SORBS2: variants seen among roughly 807,000 people sequenced by gnomAD.
SORBS2 encodes sorbin and SH3 domain containing 2.
SORBS2 carries 46 observed loss-of-function variants against 97.7 expected under a neutral mutation model. The ratio of observed to expected loss-of-function variants is 0.47; its 90% CI spans 0.37 to 0.60. SORBS2 has a LOEUF of 0.60. SORBS2 is among the 20% of genes least tolerant of loss of function. The pLI, the probability that SORBS2 is intolerant of heterozygous loss-of-function variation, is 0.00. For missense variants in SORBS2, 1,316 were observed against 1,282.3 expected, an observed-to-expected ratio of 1.03 and a Z score of -0.40; for synonymous variants, 476 against 473.4, an observed-to-expected ratio of 1.01 and a Z score of -0.07.
chr4:185,663,831 C>CTGAGAGTAG lies in SORBS2; in HGVS notation c.-45-1598_-45-1590dup, dbSNP rs1241254913. 3.3e-5 allele frequency among the ~76,000 whole-genome samples: 5 copies of CTGAGAGTAG among 149,380 alleles called. No individual in the cohort carries two copies. The East Asian group carries it at 9.8e-4, about 29-fold the overall frequency. On this transcript the variant is annotated intron_variant, in intron 4 of 20. Coordinates refer to the SORBS2 transcript ENST00000284776. ...TGACTAGGGGTTAAAAAAGTAAACACTGAGAGTAGATTTATTCTTTTTTTT... is the reference window on the plus strand; with the variant it reads ...TGACTAGGGGTTAAAAAAGTAAACACTGAGAGTAGTGAGAGTAGATTTATTCTTTTTTTT...
Position 185,829,259 on chromosome 4 carries a change from C to T in SORBS2, c.-337-53893G>A, listed in dbSNP as rs367616727. 1.6e-3 allele frequency among the ~76,000 whole-genome samples: 237 copies of T among 152,228 alleles called. 6 individuals are homozygous for T. In the South Asian group the frequency reaches 0.043, roughly 27 times the overall value. On this transcript the variant is annotated intron_variant, in intron 1 of 20. Coordinates refer to the SORBS2 transcript ENST00000284776. ...CTGGACTCTCAGCTCCATGGGTAAACGGTGTGATGTGGTTGGCAAATCAAG... is the reference window on the plus strand; with the variant it reads ...CTGGACTCTCAGCTCCATGGGTAAATGGTGTGATGTGGTTGGCAAATCAAG...
At chr4:185,627,608 GT>G (rs2153428822) in intron 5 of SORBS2, among the ~76,000 whole-genome samples, 1 of 152,226 alleles carries the variant, frequency 6.6e-6, no homozygotes, top group East Asian at 1.9e-4. Flanking sequence ...CTCTTGCACA[GT>G]TTCCCTTATC....
At chr4:185,612,814 G>T (rs1056828593) in intron 11 of SORBS2, among the ~76,000 whole-genome samples, 12 of 151,736 alleles carry the variant, frequency 7.9e-5, no homozygotes, top group African/African-American at 2.9e-4. Flanking sequence ...ATCTACATGC[G>T]CTAAGTAGTG....
At chr4:185,870,710 G>A (rs1333944300) in intron 1 of SORBS2, among the ~76,000 whole-genome samples, 1 of 152,204 alleles carries the variant, frequency 6.6e-6, no homozygotes. Context: ...CTGGGACTGG[G>A]CCTTGGGAGA....
exon 15 of SORBS2, chr4:185,585,742 T>C (rs2095794653): frequency 6.6e-6 from 1 of 152,240 alleles, no homozygotes; most frequent in African/African-American, 2.4e-5. Flanking sequence ...TATTCATTTA[T>C]CAGCAAAGCT....
In SORBS2 at chr4:185,691,906, G is replaced by A. The variant is rs554913236; in HGVS notation, c.-197-13084C>T. ...ACTACAGGCACCCGCCACCACGCTC[G>A]GATAATTTCTTTTTGCATTTTTAGT... On this transcript the variant is annotated intron_variant, in intron 2 of 20. Coordinates refer to the SORBS2 transcript ENST00000284776. 5.9e-5 allele frequency among the ~76,000 whole-genome samples: 9 copies of A among 152,196 alleles called. No homozygotes were observed. The East Asian group carries it at 1.2e-3, about 20-fold the overall frequency.
At chr4:185,719,418 A>C (rs1349618561) in intron 2 of SORBS2, among the ~76,000 whole-genome samples, 1 of 152,172 alleles carries the variant, frequency 6.6e-6, no homozygotes, top group Non-Finnish European at 1.5e-5. Context: ...TCTCTCCAGC[A>C]TTTGGTTATC....
intron 1 of SORBS2, among the ~76,000 whole-genome samples, chr4:185,850,185 C>A (rs942294919): frequency 6.6e-6 from 1 of 152,182 alleles, no homozygotes; most frequent in African/African-American, 2.4e-5. Context: ...CATGAGTCAC[C>A]ACTTCCCCCT....
rs117698266 is a variant in SORBS2, at chr4:185,748,113, C to T, written c.-198+27114G>A. Among the ~76,000 whole-genome samples, 526 of 152,192 alleles carry T rather than the reference C, an allele frequency of 3.5e-3. 9 individuals carry two copies. In the Middle Eastern group the frequency reaches 0.048, roughly 14 times the overall value. ...ATTTAAGGTACATTTTGTAAGTTTT[C>T]GGGTGGCCCACTGTAAGGTAGAGAG... On this transcript the variant is annotated intron_variant, in intron 2 of 20. Transcript: ENST00000284776.
At chr4:185,617,902 A>G (rs761894379) in intron 9 of SORBS2, among the ~76,000 whole-genome samples, 13 of 152,180 alleles carry the variant, frequency 8.5e-5, no homozygotes, top group Non-Finnish European at 1.8e-4. Context: ...TATGCTTGGA[A>G]TATTTGGATA....
intron 1 of SORBS2, among the ~76,000 whole-genome samples, chr4:185,874,385 G>A (rs977272482): frequency 1.3e-5 from 2 of 152,164 alleles, no homozygotes; most frequent in African/African-American, 4.8e-5. Flanking sequence ...CAGAGAATCT[G>A]TTCATTGGAA....
At chr4:185,827,779 A>G (rs1014986785) in intron 1 of SORBS2, among the ~76,000 whole-genome samples, 16 of 149,952 alleles carry the variant, frequency 1.1e-4, no homozygotes, top group Non-Finnish European at 2.1e-4. Flanking sequence ...CACCATCACC[A>G]TCATCATCGT....
At chr4:185,907,702 G>A (rs1388043587) in intron 1 of SORBS2, among the ~76,000 whole-genome samples, 3 of 152,254 alleles carry the variant, frequency 2.0e-5, no homozygotes, top group Non-Finnish European at 4.4e-5. Flanking sequence ...GGATATAGAT[G>A]TTATTATAGG....
At chr4:185,907,326 T>C (rs1386484183) in intron 1 of SORBS2, among the ~76,000 whole-genome samples, 1 of 152,206 alleles carries the variant, frequency 6.6e-6, no homozygotes, top group Non-Finnish European at 1.5e-5. Flanking sequence ...GGTATTATAA[T>C]GTTAGCTTTT....
At position 185,724,101 on chromosome 4, in the gene SORBS2, C is replaced by T. The variant is rs562218516; in HGVS notation, c.-197-45279G>A. Among the ~76,000 whole-genome samples, 594 of 152,226 alleles carry T rather than the reference C, an allele frequency of 3.9e-3. 3 individuals carry two copies. The highest frequency in any genetic ancestry group is 0.014 in the African/African-American group (568 of 41,548). On this transcript the variant is annotated intron_variant, in intron 2 of 20. Coordinates refer to the SORBS2 transcript ENST00000284776. Reference sequence around the variant, plus strand: ...TCAAGGGTCTAATAAATTAGCCTTTCGTTGTTTCAACTTCCAAGTGAAGTT... The same window carrying T: ...TCAAGGGTCTAATAAATTAGCCTTTTGTTGTTTCAACTTCCAAGTGAAGTT...
At chr4:185,601,800 G>A (rs746809121) in intron 12 of SORBS2, among the ~76,000 whole-genome samples, 2 of 151,904 alleles carry the variant, frequency 1.3e-5, no homozygotes. Context: ...GTTGAAAACC[G>A]TGCGCCGGGG....
rs1488166391 is a variant in SORBS2 at position 185,651,691 on chromosome 4, G to A, written c.91+971C>T. Reference sequence around the variant, plus strand: ...CCTAATATATGAACTGAAAACATGTGCTCAAACAGAAGGGGAAAAAAGGTG... The same window carrying A: ...CCTAATATATGAACTGAAAACATGTACTCAAACAGAAGGGGAAAAAAGGTG... On this transcript the variant is annotated intron_variant, in intron 2 of 14. Coordinates refer to ENST00000418609, the Ensembl canonical transcript of SORBS2. The A allele has an allele frequency of 1.9e-5, 15 of 779,158 alleles. No individual in the cohort carries two copies. In the Admixed American group the frequency reaches 2.9e-4, roughly 15 times the overall value. 48.3% of individuals were successfully genotyped at this position (779,158 alleles called of 1,614,324 possible). A position where few individuals can be genotyped will look rare whatever the true frequency, so the allele number is the denominator to read the frequency against.
rs1227084787 is a variant in SORBS2, at chr4:185,726,489, C to A, written c.-197-47667G>T. ...AATAATAACCAAAGTTTTCAGGGACCATTTTTCAAAAGACCCATTCCCCCA... is the reference window on the plus strand; with the variant it reads ...AATAATAACCAAAGTTTTCAGGGACAATTTTTCAAAAGACCCATTCCCCCA... On this transcript the variant is annotated intron_variant, in intron 2 of 20. Transcript: ENST00000284776. Among the ~76,000 whole-genome samples the A allele has an allele frequency of 2.0e-5, 3 of 151,916 alleles. No individual in the cohort carries two copies. The East Asian group carries it at 5.8e-4, about 29-fold the overall frequency.
At chr4:185,750,126 G>A (rs1213538677) in intron 2 of SORBS2, among the ~76,000 whole-genome samples, 1 of 152,236 alleles carries the variant, frequency 6.6e-6, no homozygotes, top group African/African-American at 2.4e-5. Context: ...CACAGACCCA[G>A]GTTAGCACCC....
Sources: gnomAD v4.1 joint callset for allele counts (sites outside exome capture counted in the v4.1 genomes callset) on GRCh38, gnomAD v4.1.1 for gene constraint, MANE v1.5 for transcripts, NCBI Gene and HGNC (gene_info 2026-07-23, HGNC 2026-07-21) for gene names.